Variants in USH2A observed in about 807,000 individuals in gnomAD.
USH2A encodes the protein usherin.
In USH2A, 443 loss-of-function variants were observed where a neutral mutation model predicts 538.9. That is an observed-to-expected ratio of 0.82 (90% CI 0.76 to 0.89). USH2A has a LOEUF of 0.89. USH2A is among the 40% of genes least tolerant of loss of function. The pLI, the probability that USH2A is intolerant of heterozygous loss-of-function variation, is 0.00. For missense variants in USH2A, 6,633 were observed against 6,324.8 expected, an observed-to-expected ratio of 1.05 and a Z score of -1.65; for synonymous variants, 2,413 against 2,273.5, an observed-to-expected ratio of 1.06 and a Z score of -1.75.
rs368971852 is a variant in USH2A, at chr1:216,016,699, T to C, written c.6326-16137A>G. ...GATGTATCTTATGACCCCTAACACC[T>C]TGGACACTCCTAATTGTTGAATAGT... On this transcript the variant is annotated intron_variant, in intron 32 of 71. Transcript: ENST00000307340. Among the ~76,000 whole-genome samples the C allele has an allele frequency of 7.9e-4, 120 of 152,252 alleles. 3 individuals are homozygous for C. In the South Asian group the frequency reaches 0.024, roughly 31 times the overall value.
chr1:215,872,295 C>A (rs1282662186), intron 43 of USH2A, among the ~76,000 whole-genome samples: 1 of 152,134 alleles, frequency 6.6e-6, no homozygotes, highest in Non-Finnish European at 1.5e-5. Context: ...ATGGTAGACA[C>A]TTTAAAAAAT....
chr1:215,866,973 A>T (rs1277510422), intron 44 of USH2A, 34 bp downstream of exon 44: 1 of 1,613,716 alleles, frequency 6.2e-7, no homozygotes, highest in South Asian at 1.1e-5. Context: ...AAAAATACAC[A>T]AAGTGTTAAC....
chr1:215,804,515 C>T (rs1662436009), intron 49 of USH2A, among the ~76,000 whole-genome samples: 1 of 149,110 alleles, frequency 6.7e-6, no homozygotes, highest in South Asian at 2.1e-4. Context: ...TTTATGCAGA[C>T]AAAAGATACA....
At chr1:216,176,328 T>C (rs1021728771) in intron 20 of USH2A, among the ~76,000 whole-genome samples, 5 of 152,032 alleles carry the variant, frequency 3.3e-5, no homozygotes, top group Non-Finnish European at 5.9e-5. Flanking sequence ...CTGGAACTCC[T>C]GGGCTCAAGC....
At chr1:215,710,501 G>T (rs1016972617) in intron 61 of USH2A, among the ~76,000 whole-genome samples, 1 of 152,076 alleles carries the variant, frequency 6.6e-6, no homozygotes, top group South Asian at 2.1e-4. Flanking sequence ...CTGCTCATAC[G>T]TTTAGCTCAG....
intron 61 of USH2A, among the ~76,000 whole-genome samples, chr1:215,703,352 T>C (rs1315007547): frequency 6.6e-6 from 1 of 152,192 alleles, no homozygotes. Flanking sequence ...TGCTAGGAAA[T>C]CTGCTGCTCT....
chr1:216,123,381 G>A (rs1379956540), intron 21 of USH2A, among the ~76,000 whole-genome samples: 16 of 152,314 alleles, frequency 1.1e-4, no homozygotes. Flanking sequence ...TGCTGGTCAT[G>A]TTCATCAGCT....
chr1:215,854,876 A>G (rs1664117877), intron 44 of USH2A, among the ~76,000 whole-genome samples: 1 of 152,198 alleles, frequency 6.6e-6, no homozygotes, highest in Non-Finnish European at 1.5e-5. Context: ...TGGAGCCACT[A>G]TGTTGAACAT....
chr1:215,798,251 T>C (rs1302505568), intron 50 of USH2A, among the ~76,000 whole-genome samples: 1 of 152,188 alleles, frequency 6.6e-6, no homozygotes, highest in Non-Finnish European at 1.5e-5. Context: ...GAAGATACTG[T>C]GAACATTAAC....
rs185167756 is a variant in USH2A, at chr1:215,891,598, T to C, written c.7595-2544A>G. ...ATGAGAAAAGTTATGCTCACAGCAG[T>C]AGCTATCACTTTCTAAAGTAAGAAT... On this transcript the variant is annotated intron_variant, in intron 40 of 71. Coordinates refer to ENST00000307340, the MANE Select transcript of USH2A (RefSeq NM_206933.4). Among the ~76,000 whole-genome samples, 4 of 152,326 alleles carry C rather than the reference T, an allele frequency of 2.6e-5. No individual in the cohort carries two copies. In the East Asian group the frequency reaches 7.7e-4, roughly 29 times the overall value.
At chr1:216,222,456 C>T (rs2035475664) in intron 14 of USH2A, among the ~76,000 whole-genome samples, 1 of 152,196 alleles carries the variant, frequency 6.6e-6, no homozygotes, top group Admixed American at 6.5e-5. Context: ...TCTAATCCTC[C>T]AAACTTGTGA....
chr1:216,125,176 A>G lies in USH2A; in HGVS notation c.4628-27963T>C, dbSNP rs73096659. On this transcript the variant is annotated intron_variant, in intron 21 of 71. Coordinates refer to ENST00000307340, the MANE Select transcript of USH2A (RefSeq NM_206933.4). ...TACAAATGTAAGAATTAGCATATCT[A>G]TATTTTTCTGAAGTTACTGTCTCTC... Among the ~76,000 whole-genome samples the G allele has an allele frequency of 8.0e-3, 1,218 of 151,786 alleles. 19 individuals carry two copies. Among genetic ancestry groups the G allele is most frequent in the African/African-American group, 0.028 (1,164 of 41,398 alleles).
chr1:215,950,693 G>A (rs1404263007), intron 37 of USH2A, among the ~76,000 whole-genome samples: 1 of 151,452 alleles, frequency 6.6e-6, no homozygotes, highest in Non-Finnish European at 1.5e-5. Flanking sequence ...TGTATTTTTA[G>A]TAGAAATGGG....
chr1:216,147,977 T>TCTGACCTGA (rs1558283962), intron 21 of USH2A, among the ~76,000 whole-genome samples: 1 of 84,572 alleles, frequency 1.2e-5, no homozygotes, highest in African/African-American at 4.6e-5. Context: ...CCCAAGGCTC[T>TCTGACCTGA]CTGACTCCTT....
rs994570496 is a variant in USH2A, at chr1:216,358,057, G to A, written c.784+6896C>T. Among the ~76,000 whole-genome samples the A allele has an allele frequency of 3.9e-5, 6 of 152,146 alleles. No homozygotes were observed. In the East Asian group the frequency reaches 1.2e-3, roughly 29 times the overall value. On this transcript the variant is annotated intron_variant, in intron 4 of 71. Transcript: ENST00000307340. ...AGGATAAATGAGGGTTCAGTAAAAA[G>A]CATGCATTTGGTCCATTGATTACTT...
chr1:215,763,720 A>C (rs1661047681), intron 56 of USH2A, among the ~76,000 whole-genome samples: 1 of 152,140 alleles, frequency 6.6e-6, no homozygotes, highest in Admixed American at 6.6e-5. Context: ...GAGGAAAAAG[A>C]ATCAGGATGT....
chr1:215,855,606 A>G (rs981760716), intron 44 of USH2A, among the ~76,000 whole-genome samples: 1 of 152,144 alleles, frequency 6.6e-6, no homozygotes, highest in African/African-American at 2.4e-5. Flanking sequence ...AATTCCCATC[A>G]AATTACCATC....
chr1:216,081,876 G>A (rs527735253), intron 26 of USH2A, among the ~76,000 whole-genome samples: 3 of 151,756 alleles, frequency 2.0e-5, no homozygotes, highest in Non-Finnish European at 4.4e-5. Flanking sequence ...GAATTATAGG[G>A]GTGAGCCACT....
intron 21 of USH2A, among the ~76,000 whole-genome samples, chr1:216,146,075 G>A (rs960830030): frequency 3.3e-5 from 5 of 152,124 alleles, no homozygotes; most frequent in Admixed American, 2.0e-4. Context: ...GACTCGGATC[G>A]GGGGACCTCC....
Sources: allele counts gnomAD v4.1 joint callset (sites outside exome capture counted in the v4.1 genomes callset), GRCh38; gene constraint gnomAD v4.1.1; transcripts MANE v1.5; gene names NCBI Gene and HGNC (gene_info 2026-07-23, HGNC 2026-07-21).